LAMA5: variants seen among roughly 807,000 people sequenced by gnomAD.
LAMA5 encodes the protein laminin subunit alpha 5.
LAMA5 carries 260 observed loss-of-function variants against 433.4 expected under a neutral mutation model. The observed-to-expected ratio is 0.60, with a 90% confidence interval of 0.54 to 0.66. The LOEUF is 0.66. Ranked by LOEUF, LAMA5 falls within the 30% of genes least tolerant of loss-of-function variation. The probability of loss-of-function intolerance (pLI) is 0.00; values close to 1 mark genes in which losing one functional copy is unlikely to be tolerated. For missense variants in LAMA5, 5,378 were observed against 5,258.5 expected, an observed-to-expected ratio of 1.02 and a Z score of -0.70; for synonymous variants, 2,620 against 2,226.6, an observed-to-expected ratio of 1.18 and a Z score of -4.97.
intron 1 of LAMA5, among the ~76,000 whole-genome samples, chr20:62,362,792 T>G: frequency 6.9e-6 from 1 of 145,212 alleles, no homozygotes; most frequent in Non-Finnish European, 1.5e-5. Context: ...AAGACCAGGG[T>G]GGAGAGGGGC....
intron 11 of LAMA5, among the ~76,000 whole-genome samples, chr20:62,339,678 G>C (rs1360464093): frequency 1.3e-5 from 2 of 152,180 alleles, no homozygotes; most frequent in Non-Finnish European, 2.9e-5. Context: ...AGTAACCACT[G>C]GTCAGACCAG....
intron 34 of LAMA5, 116 bp downstream of exon 34, chr20:62,328,728 T>C (rs1979777518): frequency 9.2e-7 from 1 of 1,088,470 alleles, no homozygotes; most frequent in Non-Finnish European, 1.3e-6. Context: ...GGGGCAGCAA[T>C]GCTGCCCTGC....
At chr20:62,351,312 T>C (rs554386534) in intron 6 of LAMA5, 97 of 301,970 alleles carry the variant, frequency 3.2e-4, no homozygotes, top group Non-Finnish European at 5.7e-4. Flanking sequence ...AGTGGGCACC[T>C]GTCCATTCCG....
At chr20:62,325,162 G>C (rs1979055318) in intron 41 of LAMA5, 154 bp downstream of exon 41, 1 of 552,986 alleles carries the variant, frequency 1.8e-6, no homozygotes, top group Non-Finnish European at 3.1e-6. Context: ...AGGCCCATGA[G>C]TTGGCCAGCA....
At position 62,330,859 on chromosome 20, in the gene LAMA5, G is replaced by A. The variant is rs1201553411; in HGVS notation, c.3736C>T (p.Leu1246Phe). 4.5e-6 allele frequency: 7 copies of A among 1,541,028 alleles called. No homozygotes were observed. Among genetic ancestry groups the A allele is most frequent in the African/African-American group, 1.4e-5 (1 of 72,948 alleles). ...DCQVIPLPPG[L>F]PLTHAQDLTP... is the part of the protein sequence containing the mutation. Reference sequence around the variant, plus strand: ...AGATCCTGCGCGTGGGTCAGCGGGAGGCCGGGCGGCAGCGGGATCACCTGG... The same window carrying A: ...AGATCCTGCGCGTGGGTCAGCGGGAAGCCGGGCGGCAGCGGGATCACCTGG... The change falls in exon 30 of 80, where the codon CTC becomes TTC. Residue 1246 changes from leucine to phenylalanine, a missense_variant. Coordinates refer to ENST00000252999, the MANE Select transcript of LAMA5 (RefSeq NM_005560.6).
Position 62,352,377 on chromosome 20 carries a change from G to A in LAMA5, c.569-17C>T, listed in dbSNP as rs1984480548. The A allele has an allele frequency of 1.3e-6, 2 of 1,578,510 alleles. No homozygotes were observed. The highest frequency in any genetic ancestry group is 2.2e-5 in the South Asian group (2 of 90,354). On this transcript the variant is annotated splice_polypyrimidine_tract_variant and intron_variant, in intron 3 of 79. Coordinates refer to ENST00000252999, the MANE Select transcript of LAMA5 (RefSeq NM_005560.6). ...TCTTGGAGGCTGCGGGGAATGGCGG[G>A]AGGGGAGGGCGCTGGATCACCAGAA...
At position 62,309,661 on chromosome 20, in the gene LAMA5, G is replaced by T. The variant is rs972112448; in HGVS notation, c.10948+55C>A. 1.8e-5 allele frequency: 27 copies of T among 1,480,372 alleles called. 1 individual carries two copies. In the South Asian group the frequency reaches 2.8e-4, roughly 15 times the overall value. 91.7% of individuals were successfully genotyped at this position (1,480,372 alleles called of 1,614,324 possible). The stretch of plus-strand genomic sequence containing the variant: ...GGGTGGGGGGAGGGTGGTAGGTTAC[G>T]CAGCACCTAGTCCTGAGGGGCAGCT... On this transcript the variant is annotated intron_variant, in intron 79 of 79. Coordinates refer to ENST00000252999, the MANE Select transcript of LAMA5 (RefSeq NM_005560.6).
In LAMA5 at chr20:62,330,885, C is replaced by T. The variant is rs959548310; in HGVS notation, c.3710G>A (p.Cys1237Tyr). 6.5e-7 allele frequency: 1 copy of T among 1,543,518 alleles called. No individual in the cohort carries two copies. The highest frequency in any genetic ancestry group is 2.4e-5 in the East Asian group (1 of 40,840). The part of the protein sequence containing the change: ...KPPQPIILRD[C>Y]QVIPLPPGLP... The stretch of plus-strand genomic sequence containing the variant: ...GCCGGGCGGCAGCGGGATCACCTGG[C>T]AGTCCCTGAGGATGATGGGCTGGGG... The change falls in exon 30 of 80, where the codon TGC becomes TAC. Residue 1237 changes from cysteine to tyrosine, a missense_variant. By Grantham distance (194) the Cys-to-Tyr change is radical (BLOSUM62 -2). Transcript: ENST00000252999.
rs897688195 is a variant in LAMA5 at position 62,336,810 on chromosome 20, G to T, written c.2165-24C>A. The T allele has an allele frequency of 1.9e-6, 3 of 1,610,466 alleles. No individual in the cohort carries two copies. In the African/African-American group the frequency reaches 4.0e-5, roughly 22 times the overall value. On this transcript the variant is annotated intron_variant, in intron 16 of 79. Transcript: ENST00000252999. ...AGCTGTGAAGAGAGGACCATGCCTC[G>T]GTCATTTCCCAGTGACCAACCCGGA...
intron 51 of LAMA5, 148 bp from the exon 52 acceptor site, chr20:62,319,161 C>G: frequency 1.3e-6 from 1 of 781,802 alleles, no homozygotes; most frequent in East Asian, 2.7e-5. Flanking sequence ...CCTAGAGCAC[C>G]TGGCGAAAGG....
rs769031567 is a variant in LAMA5, at chr20:62,322,704, C to T, written c.6119G>A (p.Cys2040Tyr). The part of the protein sequence containing the change: ...TEACDPHSGH[C>Y]LCKAGVTGRR... Reference sequence around the variant, plus strand: ...CCCAGTCACGCCCGCCTTGCACAGGCAGTGCCCGCTGTGGGGGTCGCAGGC... The same window carrying T: ...CCCAGTCACGCCCGCCTTGCACAGGTAGTGCCCGCTGTGGGGGTCGCAGGC... The change falls in exon 46 of 80, where the codon TGC becomes TAC. Residue 2040 changes from cysteine to tyrosine, a missense_variant. Cys to Tyr is a radical substitution (Grantham distance 194, BLOSUM62 -2). Coordinates refer to ENST00000252999, the MANE Select transcript of LAMA5 (RefSeq NM_005560.6). 14 of 1,548,914 alleles carry T rather than the reference C, an allele frequency of 9.0e-6. No individual in the cohort carries two copies. In the East Asian group the frequency reaches 2.9e-4, roughly 32 times the overall value.
intron 57 of LAMA5, 122 bp downstream of exon 57, chr20:62,316,549 C>T: frequency 1.4e-6 from 1 of 721,192 alleles, no homozygotes; most frequent in Non-Finnish European, 2.2e-6. Context: ...AAAGCTCTCC[C>T]ACCCCAAACC....
intron 48 of LAMA5, 50 bp from the exon 49 acceptor site, chr20:62,320,940 G>C: frequency 6.4e-7 from 1 of 1,567,694 alleles, no homozygotes; most frequent in Non-Finnish European, 8.7e-7. Context: ...CAGGCCAGGG[G>C]AGAATGATCA....
intron 16 of LAMA5, 111 bp from the exon 17 acceptor site, chr20:62,336,897 C>A: frequency 2.8e-6 from 3 of 1,082,870 alleles, no homozygotes; most frequent in Non-Finnish European, 4.1e-6. Context: ...AGGACCAGCA[C>A]AGGTGCCTCT....
Position 62,310,764 on chromosome 20 carries a change from C to T in LAMA5, c.10347G>A (p.Gln3449=), listed in dbSNP as rs1006196575. 8 of 1,564,566 alleles carry T rather than the reference C, an allele frequency of 5.1e-6. No individual in the cohort carries two copies. The highest frequency in any genetic ancestry group is 1.7e-4 in the Middle Eastern group (1 of 5,858). Residue 3449 remains glutamine (Q), a synonymous_variant, in exon 75 of 80, where the codon CAG becomes CAA. Coordinates refer to ENST00000252999, the MANE Select transcript of LAMA5 (RefSeq NM_005560.6). ...CCTGGTGCTGCCGGTGCGGCCCCTCCTGGCTCCAGGCCCGGGCCCCGTCCG... is the reference window on the plus strand; with the variant it reads ...CCTGGTGCTGCCGGTGCGGCCCCTCTTGGCTCCAGGCCCGGGCCCCGTCCG... ...LVTDGARAWS[Q]EGPHRQHQGA...
At chr20:62,339,544 T>C (rs770067898) in intron 11 of LAMA5, among the ~76,000 whole-genome samples, 1 of 152,128 alleles carries the variant, frequency 6.6e-6, no homozygotes, top group Admixed American at 6.5e-5. Flanking sequence ...ATGTCAGGTG[T>C]TGGGAAGAAG....
At chr20:62,322,823 C>T in intron 45 of LAMA5, 65 bp from the exon 46 acceptor site, 2 of 1,038,160 alleles carry the variant, frequency 1.9e-6, no homozygotes, top group South Asian at 3.4e-5. Context: ...CCCTAGGCAC[C>T]CTCCTAAGCC....
chr20:62,329,231 T>C lies in LAMA5; in HGVS notation c.4142A>G (p.Glu1381Gly). ...GAGGTAGCCAAAGCTGTAGACGTTC[T>C]CAGGGACCACGAGTACATAATCCTA... ...LWLDYVLVVPENVYSFGYLRE... is the reference protein window; with the variant it reads ...LWLDYVLVVPGNVYSFGYLRE... The change falls in exon 33 of 80, where the codon GAG becomes GGG. Residue 1381 changes from glutamate (E) to glycine (G), a missense_variant. Physicochemically the swap from Glu to Gly is moderately conservative, Grantham distance 98 (BLOSUM62 -2). Transcript: ENST00000252999. 3 of 1,612,588 alleles carry C rather than the reference T, an allele frequency of 1.9e-6. No individual in the cohort carries two copies. The highest frequency in any genetic ancestry group is 2.5e-6 in the Non-Finnish European group (3 of 1,179,702).
At position 62,367,011 on chromosome 20, in the gene LAMA5, C is replaced by A; in HGVS notation, c.235G>T (p.Asp79Tyr). Residue 79 changes from aspartate to tyrosine, a missense_variant, in exon 1 of 80, where the codon GAC (aspartate) becomes TAC (tyrosine). Asp to Tyr is a radical substitution (Grantham distance 160, BLOSUM62 -3). Coordinates refer to ENST00000252999, the MANE Select transcript of LAMA5 (RefSeq NM_005560.6). ...PARGSPRPTE[D>Y]LYCKLVGGPV... ...CCCCCTACCAGCTTGCAGTAAAGGT[C>A]CTCGGTGGGGCGCGGGGAGCCGCGC... 7.8e-7 allele frequency: 1 copy of A among 1,279,564 alleles called. No homozygotes were observed. The highest frequency in any genetic ancestry group is 3.3e-5 in the South Asian group (1 of 30,662). The allele number at this position is 1,279,564 out of a possible 1,614,324, so 79.3% of individuals were successfully genotyped here.
Sources: allele counts gnomAD v4.1 joint callset (sites outside exome capture counted in the v4.1 genomes callset), GRCh38; gene constraint gnomAD v4.1.1; transcripts MANE v1.5; gene names NCBI Gene and HGNC (gene_info 2026-07-23, HGNC 2026-07-21).